The following SLC30A7 variants were observed in gnomAD, a reference collection of about 807,000 sequenced individuals.
SLC30A7 encodes the protein zinc transporter 7.
Under a neutral mutation model 46.0 loss-of-function variants are expected in SLC30A7, and 35 were observed. That is an observed-to-expected ratio of 0.76 (90% CI 0.58 to 1.01). The LOEUF (loss-of-function observed/expected upper bound fraction) is 1.01. Ranked by LOEUF, SLC30A7 falls within the 50% of genes least tolerant of loss-of-function variation. The pLI is 0.00. For missense variants in SLC30A7, 464 were observed against 451.1 expected (o/e 1.03, Z -0.26); for synonymous variants, 147 against 157.8 (o/e 0.93, Z 0.51).
chr1:100,900,381 AC>A (rs1651237936), intron 2 of SLC30A7, among the ~76,000 whole-genome samples: 1 of 152,228 alleles, frequency 6.6e-6, no homozygotes, highest in Admixed American at 6.5e-5. Flanking sequence ...ATTTGGTTCT[AC>A]TTCAGTGTGA....
downstream of SLC30A7, among the ~76,000 whole-genome samples, chr1:100,983,406 C>CA (rs1320059834): frequency 6.7e-3 from 901 of 134,732 alleles, 14 homozygotes; most frequent in African/African-American, 0.021. Flanking sequence ...CAAAACAAAA[C>CA]AAAAAAAACT....
chr1:100,896,383 A>G, intron 1 of SLC30A7, 41 bp downstream of exon 1: 1 of 1,606,040 alleles, frequency 6.2e-7, no homozygotes, highest in Non-Finnish European at 8.5e-7. Flanking sequence ...TGTCCGGCAG[A>G]AAGGGAGAAG....
chr1:100,991,969 G>A, the SLC30A7 span, among the ~76,000 whole-genome samples: 1 of 151,602 alleles, frequency 6.6e-6, no homozygotes, highest in African/African-American at 2.4e-5. Flanking sequence ...AAATTAGCTG[G>A]GCATGGTGGC....
chr1:100,911,446 A>G (rs1652086821), intron 4 of SLC30A7, among the ~76,000 whole-genome samples: 1 of 152,234 alleles, frequency 6.6e-6, no homozygotes, highest in South Asian at 2.1e-4. Flanking sequence ...ATATTTCTAA[A>G]GAAATTAGAA....
chr1:100,939,134 G>A (rs964588258), intron 8 of SLC30A7, among the ~76,000 whole-genome samples: 49 of 151,958 alleles, frequency 3.2e-4, no homozygotes, highest in African/African-American at 1.2e-3. Context: ...TAGGGAACTA[G>A]ACAAGGATTC....
intron 8 of SLC30A7, among the ~76,000 whole-genome samples, chr1:100,933,649 G>T (rs1270724423): frequency 6.6e-6 from 1 of 152,184 alleles, no homozygotes. Flanking sequence ...CCCCACCTAT[G>T]AGTGAGAACA....
intron 5 of SLC30A7, among the ~76,000 whole-genome samples, chr1:100,913,047 TC>T (rs1652226406): frequency 6.6e-6 from 1 of 152,202 alleles, no homozygotes; most frequent in African/African-American, 2.4e-5. Context: ...TCTTTTTCTG[TC>T]CTTTAGAATA....
At chr1:100,962,015 A>G in intron 9 of SLC30A7, 97 bp downstream of exon 9, 1 of 632,576 alleles carries the variant, frequency 1.6e-6, no homozygotes, top group South Asian at 2.7e-5. Flanking sequence ...TGTATAATTG[A>G]CTGTTTCTTC....
chr1:100,920,338 A>G (rs776452062), intron 7 of SLC30A7, among the ~76,000 whole-genome samples: 4 of 152,012 alleles, frequency 2.6e-5, no homozygotes, highest in Non-Finnish European at 4.4e-5. Context: ...TTTAAAAGTT[A>G]AAGTGGCCCC....
intron 8 of SLC30A7, among the ~76,000 whole-genome samples, chr1:100,934,133 T>C (rs996636405): frequency 6.6e-6 from 1 of 151,818 alleles, no homozygotes; most frequent in South Asian, 2.1e-4. Context: ...GCTTGACTTG[T>C]AGTTCTGGCT....
chr1:100,932,071 A>G (rs1653692168), intron 8 of SLC30A7, among the ~76,000 whole-genome samples: 1 of 152,208 alleles, frequency 6.6e-6, no homozygotes, highest in South Asian at 2.1e-4. Context: ...TTTAAAAATC[A>G]GAGTGTTATT....
chr1:100,956,579 G>A (rs1655238693), intron 8 of SLC30A7, among the ~76,000 whole-genome samples: 2 of 152,134 alleles, frequency 1.3e-5, no homozygotes, highest in Non-Finnish European at 2.9e-5. Flanking sequence ...TTATAGATGG[G>A]ATTCACCATC....
chr1:100,992,523 C>G, the SLC30A7 span: 1 of 675,998 alleles, frequency 1.5e-6, no homozygotes. Context: ...AGAAATAGTA[C>G]AATACAAAAA....
intron 9 of SLC30A7, among the ~76,000 whole-genome samples, 180 bp from the exon 10 acceptor site, chr1:100,965,589 G>A (rs2101091208): frequency 6.6e-6 from 1 of 152,218 alleles, no homozygotes; most frequent in South Asian, 2.1e-4. Flanking sequence ...TACTTGTCAT[G>A]GCACCTGGCA....
chr1:100,963,261 TAGGTG>T (rs1655655224), intron 9 of SLC30A7, among the ~76,000 whole-genome samples: 1 of 152,160 alleles, frequency 6.6e-6, no homozygotes, highest in African/African-American at 2.4e-5. Context: ...ATTTGGAGCA[TAGGTG>T]AGAAAGCCAG....
chr1:100,944,901 A>G (rs1654541425), intron 8 of SLC30A7, among the ~76,000 whole-genome samples: 1 of 152,164 alleles, frequency 6.6e-6, no homozygotes, highest in African/African-American at 2.4e-5. Flanking sequence ...TTACACTCCC[A>G]CCAACAGTGT....
At chr1:100,940,999 T>C in intron 8 of SLC30A7, 1 of 367,512 alleles carries the variant, frequency 2.7e-6, no homozygotes, top group African/African-American at 2.1e-5. Flanking sequence ...CTGCTAAACT[T>C]TATTTCCTAG....
At chr1:100,974,148 A>G (rs1656322514) in intron 10 of SLC30A7, among the ~76,000 whole-genome samples, 1 of 152,110 alleles carries the variant, frequency 6.6e-6, no homozygotes, top group African/African-American at 2.4e-5. Context: ...TGTTACTAGG[A>G]TATATTGCGT....
chr1:100,992,836 C>G, the SLC30A7 span: 1 of 756,940 alleles, frequency 1.3e-6, no homozygotes, highest in Non-Finnish European at 2.3e-6. Flanking sequence ...TCAAGTACCA[C>G]AGTCTACATT....
Sources: gnomAD v4.1 joint callset for allele counts (sites outside exome capture counted in the v4.1 genomes callset) on GRCh38, gnomAD v4.1.1 for gene constraint, MANE v1.5 for transcripts, NCBI Gene and HGNC (gene_info 2026-07-23, HGNC 2026-07-21) for gene names.